Variants in FMN1 observed in about 807,000 individuals in gnomAD.
The protein encoded by FMN1 is formin 1, also known as formin-1.
FMN1 carries 110 observed loss-of-function variants against 132.4 expected under a neutral mutation model. The observed-to-expected ratio is 0.83, with a 90% CI of 0.71 to 0.97. The LOEUF is 0.97. Among genes scored for constraint, FMN1 ranks in the 50% least tolerant of loss-of-function variants. The pLI is 0.00. For synonymous variants in FMN1, 722 were observed against 651.7 expected (o/e 1.11, Z -1.64); for missense variants, 1,792 against 1,705.3 (o/e 1.05, Z -0.90).
chr15:32,789,054 T>G (rs757367018), intron 19 of FMN1, among the ~76,000 whole-genome samples: 3 of 152,202 alleles, frequency 2.0e-5, no homozygotes, highest in Non-Finnish European at 2.9e-5. Flanking sequence ...CAGCAAATCT[T>G]GCAATCAATT....
chr15:33,037,118 A>G (rs2036226204), intron 6 of FMN1, among the ~76,000 whole-genome samples: 1 of 152,206 alleles, frequency 6.6e-6, no homozygotes, highest in Admixed American at 6.5e-5. Flanking sequence ...GATCCTTATT[A>G]TAAATTATCA....
chr15:33,191,199 CA>C (rs1966068030), intron 2 of FMN1, among the ~76,000 whole-genome samples: 1 of 151,998 alleles, frequency 6.6e-6, no homozygotes. Flanking sequence ...TGGCTACCTC[CA>C]AAATATTTTG....
intron 4 of FMN1, among the ~76,000 whole-genome samples, chr15:33,104,193 G>A (rs2039397890): frequency 6.6e-6 from 1 of 152,052 alleles, no homozygotes; most frequent in South Asian, 2.1e-4. Flanking sequence ...ACTCACATTG[G>A]TAAGAAATGA....
intron 4 of FMN1, among the ~76,000 whole-genome samples, chr15:33,107,569 TTTGGCATTTACACTGGTGTTTTC>T (rs1452459709): frequency 1.3e-5 from 2 of 152,086 alleles, no homozygotes; most frequent in African/African-American, 4.8e-5. Flanking sequence ...CATTCCTGCC[TTTGGCATTTACACTGGTGTTTTC>T]TTGGCTAAGA....
intron 16 of FMN1, among the ~76,000 whole-genome samples, chr15:32,872,314 C>T (rs146811240): frequency 6.6e-6 from 1 of 152,254 alleles, no homozygotes; most frequent in Non-Finnish European, 1.5e-5. Flanking sequence ...TATTTTGGGG[C>T]ACTCCCATTG....
At chr15:33,109,450 G>C (rs963923784) in intron 4 of FMN1, among the ~76,000 whole-genome samples, 1 of 152,076 alleles carries the variant, frequency 6.6e-6, no homozygotes, top group Admixed American at 6.6e-5. Flanking sequence ...AATGTCAATC[G>C]ATGACAGATT....
chr15:32,806,720 G>C (rs1378127790), intron 17 of FMN1, among the ~76,000 whole-genome samples: 2 of 152,198 alleles, frequency 1.3e-5, no homozygotes, highest in African/African-American at 2.4e-5. Context: ...CACATTGGAG[G>C]ATCTTTGCAC....
At chr15:32,955,671 T>C (rs1379570347) in intron 9 of FMN1, among the ~76,000 whole-genome samples, 1 of 152,224 alleles carries the variant, frequency 6.6e-6, no homozygotes. Context: ...AAAGCATAAA[T>C]ATTTAGAATG....
At chr15:32,866,227 T>TAAAAAAAAAAA (rs761408599) in intron 16 of FMN1, among the ~76,000 whole-genome samples, 1 of 92,346 alleles carries the variant, frequency 1.1e-5, no homozygotes, top group Non-Finnish European at 2.1e-5. Flanking sequence ...TAAAGTATAA[T>TAAAAAAAAAAA]AAAAAAAAAG....
At chr15:32,946,146 G>C (rs912924548) in intron 9 of FMN1, among the ~76,000 whole-genome samples, 2 of 152,142 alleles carry the variant, frequency 1.3e-5, no homozygotes, top group Non-Finnish European at 2.9e-5. Flanking sequence ...GCAAGATTTT[G>C]TTAGGGTTTG....
intron 2 of FMN1, among the ~76,000 whole-genome samples, chr15:33,181,374 A>G (rs553775626): frequency 3.9e-5 from 6 of 152,302 alleles, no homozygotes; most frequent in African/African-American, 1.2e-4. Context: ...CCGAGCAGAC[A>G]AATCCTCTTC....
At chr15:33,066,360 A>T (rs1251897261) in intron 5 of FMN1, 2 of 677,460 alleles carry the variant, frequency 3.0e-6, no homozygotes, top group Admixed American at 3.4e-5. Context: ...TTAACTCCAT[A>T]CTCCTTACAG....
chr15:32,961,528 T>G (rs1258419570), intron 9 of FMN1, among the ~76,000 whole-genome samples: 2 of 152,208 alleles, frequency 1.3e-5, no homozygotes, highest in East Asian at 1.9e-4. Context: ...AGTACTATAC[T>G]TTTTCCTCAA....
intron 10 of FMN1, among the ~76,000 whole-genome samples, chr15:32,924,583 G>C (rs2060911792): frequency 1.3e-5 from 2 of 152,200 alleles, no homozygotes; most frequent in African/African-American, 4.8e-5. Flanking sequence ...CCATCTAAGA[G>C]ATTGTATTAT....
At chr15:33,027,616 G>T (rs8033372) in intron 6 of FMN1, among the ~76,000 whole-genome samples, 21,009 of 152,176 alleles carry the variant, frequency 0.14, 1,658 homozygotes, top group Middle Eastern at 0.23. Context: ...TTGCTTTATG[G>T]TAGTAGTTTT....
intron 17 of FMN1, among the ~76,000 whole-genome samples, chr15:32,838,931 AT>A (rs1390601512): frequency 6.6e-6 from 1 of 152,192 alleles, no homozygotes; most frequent in East Asian, 1.9e-4. Flanking sequence ...AAGATGAGTG[AT>A]GAGTCTCCAT....
chr15:33,106,421 G>C (rs956869457), intron 4 of FMN1, among the ~76,000 whole-genome samples: 5 of 151,762 alleles, frequency 3.3e-5, no homozygotes, highest in Non-Finnish European at 5.9e-5. Flanking sequence ...CTACAAAAGT[G>C]TATAAACATC....
intron 4 of FMN1, among the ~76,000 whole-genome samples, chr15:33,122,660 G>T (rs974692876): frequency 6.6e-6 from 1 of 152,192 alleles, no homozygotes; most frequent in East Asian, 1.9e-4. Context: ...AGAAAACTTG[G>T]AGTTTGTGTC....
At chr15:32,998,598 G>C (rs950824276) in intron 7 of FMN1, among the ~76,000 whole-genome samples, 1 of 152,174 alleles carries the variant, frequency 6.6e-6, no homozygotes, top group African/African-American at 2.4e-5. Flanking sequence ...TCCCCGTGGT[G>C]CTCTACCATG....
Sources: gnomAD v4.1 joint callset for allele counts (sites outside exome capture counted in the v4.1 genomes callset) on GRCh38, gnomAD v4.1.1 for gene constraint, MANE v1.5 for transcripts, NCBI Gene and HGNC (gene_info 2026-07-23, HGNC 2026-07-21) for gene names.